Variants in MET observed in about 807,000 individuals in gnomAD.
MET encodes hepatocyte growth factor receptor.
In MET, 48 loss-of-function variants were observed where a neutral mutation model predicts 133.1. That is an observed-to-expected ratio of 0.36 (90% CI 0.29 to 0.46). MET has a LOEUF of 0.46. MET is among the 20% of genes least tolerant of loss of function. MET has a pLI of 1.00. For synonymous variants in MET, 628 were observed against 616.5 expected, an observed-to-expected ratio of 1.02 and a Z score of -0.28; for missense variants, 1,442 against 1,695.9, an observed-to-expected ratio of 0.85 and a Z score of 2.63.
Position 116,763,157 on chromosome 7 carries a change from T to C in MET, c.2472T>C (p.Asp824=), listed in dbSNP as rs1463527073. Reference sequence around the variant, plus strand: ...AAACCAAAGCCTTTTTCATGTTAGATGGGATCCTTTCCAAATACTTTGATC... The same window carrying C: ...AAACCAAAGCCTTTTTCATGTTAGACGGGATCCTTTCCAAATACTTTGATC... ...PLKTKAFFML[D]GILSKYFDLI... is the part of the protein sequence containing the mutation. The change falls in exon 11 of 21, where the codon GAT becomes GAC. Residue 824 remains aspartate, a synonymous_variant. Transcript: ENST00000397752. The C allele has an allele frequency of 6.2e-7, 1 of 1,613,924 alleles. No individual in the cohort carries two copies. Among genetic ancestry groups the C allele is most frequent in the Non-Finnish European group, 8.5e-7 (1 of 1,179,964 alleles).
intron 2 of MET, among the ~76,000 whole-genome samples, chr7:116,705,972 C>T (rs558062180): frequency 2.6e-5 from 4 of 152,056 alleles, no homozygotes; most frequent in Non-Finnish European, 2.9e-5. Flanking sequence ...ACCTTTAATT[C>T]CTTTTGCTTT....
At chr7:116,765,526 G>C (rs1245527574) in intron 11 of MET, among the ~76,000 whole-genome samples, 2 of 152,026 alleles carry the variant, frequency 1.3e-5, no homozygotes, top group South Asian at 4.2e-4. Context: ...GGCGAGCCAG[G>C]TTTGGATGAG....
At chr7:116,686,771 C>G (rs1222096100) in intron 1 of MET, among the ~76,000 whole-genome samples, 1 of 152,206 alleles carries the variant, frequency 6.6e-6, no homozygotes, top group Non-Finnish European at 1.5e-5. Flanking sequence ...CACTGTCAAC[C>G]CAGCCCACCT....
chr7:116,703,790 C>T (rs896118975), intron 2 of MET, among the ~76,000 whole-genome samples: 1 of 152,106 alleles, frequency 6.6e-6, no homozygotes, highest in Non-Finnish European at 1.5e-5. Flanking sequence ...AGCAAAGATC[C>T]TGTTCCCTAA....
chr7:116,762,926 A>G, intron 10 of MET, 124 bp from the exon 11 acceptor site: 2 of 807,794 alleles, frequency 2.5e-6, no homozygotes, highest in South Asian at 3.0e-5. Context: ...AACATTAGGA[A>G]GTTAAATACA....
At chr7:116,755,016 G>GAAAGAAAA in intron 5 of MET, among the ~76,000 whole-genome samples, 1 of 150,844 alleles carries the variant, frequency 6.6e-6, no homozygotes, top group South Asian at 2.1e-4. Flanking sequence ...AAGAAAGAAA[G>GAAAGAAAA]AAAGAAAGAA....
intron 19 of MET, among the ~76,000 whole-genome samples, chr7:116,784,076 G>T (rs1451943747): frequency 6.6e-6 from 1 of 152,178 alleles, no homozygotes; most frequent in African/African-American, 2.4e-5. Flanking sequence ...TGGGTTAAAG[G>T]ACAGCAGGTT....
chr7:116,678,057 A>C (rs1325814882), intron 1 of MET, among the ~76,000 whole-genome samples: 2 of 152,110 alleles, frequency 1.3e-5, no homozygotes, highest in Non-Finnish European at 2.9e-5. Flanking sequence ...CCTGCCATTG[A>C]AATTCAAAAC....
intron 19 of MET, among the ~76,000 whole-genome samples, chr7:116,785,214 C>T (rs573673657): frequency 1.4e-4 from 22 of 152,228 alleles, no homozygotes; most frequent in South Asian, 6.2e-4. Context: ...GCATTGAGTG[C>T]CTGCAGCTTT....
chr7:116,797,853 G>T lies in MET; in HGVS notation c.*1729G>T. On this transcript the variant is annotated 3_prime_UTR_variant, in exon 21 of 21. Coordinates refer to ENST00000397752, the MANE Select transcript of MET (RefSeq NM_000245.4). The stretch of plus-strand genomic sequence containing the variant: ...GTTAACCCAGCAAGCTACAAAGAGG[G>T]TGTGTCACACTGAAACTCAATAGTT... 4.4e-6 allele frequency: 1 copy of T among 225,256 alleles called. No individual in the cohort carries two copies. The highest frequency in any genetic ancestry group is 6.4e-5 in the East Asian group (1 of 15,604). The allele number at this position is 225,256 out of a possible 1,614,324, so 14.0% of individuals were successfully genotyped here. A position where few individuals can be genotyped will look rare whatever the true frequency, so the allele number is the denominator to read the frequency against.
chr7:116,778,983 C>T, intron 17 of MET, 26 bp downstream of exon 17: 1 of 1,612,074 alleles, frequency 6.2e-7, no homozygotes, highest in East Asian at 2.2e-5. Flanking sequence ...AGCTTACTAA[C>T]TGGCAAACTA....
At chr7:116,761,065 A>G (rs1562924533) in intron 10 of MET, among the ~76,000 whole-genome samples, 1 of 152,308 alleles carries the variant, frequency 6.6e-6, no homozygotes, top group East Asian at 1.9e-4. Flanking sequence ...TATTAAGATA[A>G]TGACTGAATT....
At chr7:116,764,592 A>G (rs59291978) in intron 11 of MET, among the ~76,000 whole-genome samples, 2,651 of 152,196 alleles carry the variant, frequency 0.017, 87 homozygotes, top group African/African-American at 0.061. Context: ...CTACCCTTCC[A>G]AGCACAGTCT....
At chr7:116,689,410 C>T (rs913548092) in intron 1 of MET, among the ~76,000 whole-genome samples, 2 of 152,062 alleles carry the variant, frequency 1.3e-5, no homozygotes, top group Non-Finnish European at 2.9e-5. Context: ...TATTTTTCCC[C>T]ATTTGCTGAC....
intron 2 of MET, among the ~76,000 whole-genome samples, chr7:116,703,988 G>A (rs543752526): frequency 6.6e-6 from 1 of 152,208 alleles, no homozygotes; most frequent in Admixed American, 6.5e-5. Context: ...TGAAAGACCT[G>A]TAGCAAGTAT....
chr7:116,699,402 T>C lies in MET; in HGVS notation c.318T>C (p.Asn106=). The change falls in exon 2 of 21, where the codon AAT becomes AAC. Residue 106 remains asparagine (N), a synonymous_variant. Transcript: ENST00000397752. ...FPCQDCSSKA[N]LSGGVWKDNI... The stretch of plus-strand genomic sequence containing the variant: ...GTCAGGACTGCAGCAGCAAAGCCAA[T>C]TTATCAGGAGGTGTTTGGAAAGATA... 6.2e-7 allele frequency: 1 copy of C among 1,614,014 alleles called. No homozygotes were observed. Among genetic ancestry groups the C allele is most frequent in the Non-Finnish European group, 8.5e-7 (1 of 1,179,936 alleles).
intron 1 of MET, among the ~76,000 whole-genome samples, chr7:116,679,202 T>C (rs1796263864): frequency 6.6e-6 from 1 of 152,224 alleles, no homozygotes; most frequent in African/African-American, 2.4e-5. Context: ...AAGTATTTTG[T>C]AGAGTGTTGA....
At position 116,758,236 on chromosome 7, in the gene MET, T is replaced by G. The variant is rs1288798752; in HGVS notation, c.2103-223T>G. On this transcript the variant is annotated intron_variant, in intron 8 of 20. Coordinates refer to ENST00000397752, the MANE Select transcript of MET (RefSeq NM_000245.4). ...AAGTACCAAAAGTACTTTAAAGGTT[T>G]TTTTTTCAAATCTCAAATGTTTTCC... Among the ~76,000 whole-genome samples, 3 of 152,170 alleles carry G rather than the reference T, an allele frequency of 2.0e-5. No homozygotes were observed. The East Asian group carries it at 5.8e-4, about 29-fold the overall frequency.
In MET at chr7:116,778,854, T is replaced by C. The variant is rs2117046548; in HGVS notation, c.3419T>C (p.Leu1140Pro). The C allele has an allele frequency of 6.2e-7, 1 of 1,614,088 alleles. No individual in the cohort carries two copies. Among genetic ancestry groups the C allele is most frequent in the Non-Finnish European group, 8.5e-7 (1 of 1,179,972 alleles). The change falls in exon 17 of 21, where the codon CTC becomes CCC. Residue 1140 changes from leucine to proline, a missense_variant. By Grantham distance (98) the Leu-to-Pro change is moderately conservative (BLOSUM62 -3). Coordinates refer to ENST00000397752, the MANE Select transcript of MET (RefSeq NM_000245.4). Reference sequence around the variant, plus strand: ...AAAGATTTTAGTCATCCCAATGTCCTCTCGCTCCTGGGAATCTGCCTGCGA... The same window carrying C: ...AAAGATTTTAGTCATCCCAATGTCCCCTCGCTCCTGGGAATCTGCCTGCGA... ...IMKDFSHPNV[L>P]SLLGICLRSE...
Sources: allele counts gnomAD v4.1 joint callset (sites outside exome capture counted in the v4.1 genomes callset), GRCh38; gene constraint gnomAD v4.1.1; transcripts MANE v1.5; gene names NCBI Gene and HGNC (gene_info 2026-07-23, HGNC 2026-07-21).